CCDC186: variants seen among roughly 807,000 people sequenced by gnomAD.
CCDC186 encodes coiled-coil domain-containing protein 186.
CCDC186 carries 49 observed loss-of-function variants against 113.7 expected under a neutral mutation model. The ratio of observed to expected loss-of-function variants is 0.43; its 90% CI spans 0.34 to 0.55. CCDC186 has a LOEUF of 0.55. CCDC186 is among the 20% of genes least tolerant of loss of function. The pLI is 0.02. For missense variants in CCDC186, 890 were observed against 1,011.1 expected (o/e 0.88, Z 1.62); for synonymous variants, 355 against 345.8 (o/e 1.03, Z -0.30).
At chr10:114,168,395 T>C (rs2119819541) in intron 1 of CCDC186, 1 of 152,374 alleles carries the variant, frequency 6.6e-6, no homozygotes, top group East Asian at 1.9e-4. Context: ...CACTGTCTTC[T>C]GGTTCCATTT....
Position 114,127,537 on chromosome 10 carries a change from C to A in CCDC186, c.2317G>T (p.Ala773Ser). ...AATTCTATCTTTTCATTTTTCCGGGCATGTGCTTTTTGCAGCCTAACTATT... is the reference window on the plus strand; with the variant it reads ...AATTCTATCTTTTCATTTTTCCGGGAATGTGCTTTTTGCAGCCTAACTATT... ...ERIVRLQKAH[A>S]RKNEKIEFME... The change falls in exon 14 of 16, where the codon GCC becomes TCC. Residue 773 changes from alanine to serine, a missense_variant. Ala to Ser is a moderately conservative substitution (Grantham distance 99, BLOSUM62 1). Transcript: ENST00000369287. 6.2e-7 allele frequency: 1 copy of A among 1,614,006 alleles called. No individual in the cohort carries two copies. Among genetic ancestry groups the A allele is most frequent in the Non-Finnish European group, 8.5e-7 (1 of 1,179,982 alleles).
chr10:114,135,814 C>T (rs1427838277), intron 9 of CCDC186, 77 bp downstream of exon 9: 2 of 1,159,062 alleles, frequency 1.7e-6, no homozygotes, highest in African/African-American at 1.5e-5. Context: ...CTTTCCCCAC[C>T]ACTTTAAAAA....
At chr10:114,137,368 G>A in intron 6 of CCDC186, 78 bp from the exon 7 acceptor site, 4 of 937,024 alleles carry the variant, frequency 4.3e-6, no homozygotes, top group Non-Finnish European at 5.2e-6. Flanking sequence ...AAGTAGGAAG[G>A]TTCTTGTCCT....
chr10:114,137,674 G>A (rs1465782121), intron 6 of CCDC186, among the ~76,000 whole-genome samples: 5 of 152,020 alleles, frequency 3.3e-5, no homozygotes, highest in African/African-American at 4.8e-5. Flanking sequence ...AGGTGGAGGC[G>A]GGTGGATAAC....
chr10:114,137,713 A>G (rs1435666652), intron 6 of CCDC186, among the ~76,000 whole-genome samples: 1 of 151,668 alleles, frequency 6.6e-6, no homozygotes, highest in Non-Finnish European at 1.5e-5. Context: ...GACCAGCCTG[A>G]CCAGCATGGT....
intron 3 of CCDC186, 26 bp from the exon 4 acceptor site, chr10:114,151,246 A>AT (rs761784754): frequency 4.9e-6 from 7 of 1,438,198 alleles, no homozygotes; most frequent in Non-Finnish European, 6.8e-6. Context: ...TTTCCAAATT[A>AT]TTTTTATAGC....
At chr10:114,127,315 A>T in intron 14 of CCDC186, 146 bp downstream of exon 14, 1 of 718,700 alleles carries the variant, frequency 1.4e-6, no homozygotes, top group South Asian at 2.0e-5. Flanking sequence ...AGAACATAAT[A>T]GGTGACCATA....
At chr10:114,171,269 C>T (rs1163026719) in intron 1 of CCDC186, among the ~76,000 whole-genome samples, 1 of 152,038 alleles carries the variant, frequency 6.6e-6, no homozygotes, top group Non-Finnish European at 1.5e-5. Flanking sequence ...TTACAGGTGG[C>T]TCACACCTGT....
chr10:114,142,038 G>T (rs1014152740), intron 6 of CCDC186, among the ~76,000 whole-genome samples: 1 of 152,122 alleles, frequency 6.6e-6, no homozygotes. Flanking sequence ...TACAGTTATA[G>T]AACATAGAAT....
In CCDC186 at chr10:114,131,995, T is replaced by A. The variant is rs745859229; in HGVS notation, c.1845A>T (p.Lys615Asn). The A allele has an allele frequency of 6.2e-7, 1 of 1,613,224 alleles. No homozygotes were observed. Among genetic ancestry groups the A allele is most frequent in the Admixed American group, 1.7e-5 (1 of 59,980 alleles). The change falls in exon 11 of 16, where the codon AAA (lysine) becomes AAT (asparagine). Residue 615 changes from lysine to asparagine, a missense_variant. Transcript: ENST00000369287. ...GTAACTGACTTTCACTACAGGAAACTTTATCAAATTGTGACTGCAAAGAAT... is the reference window on the plus strand; with the variant it reads ...GTAACTGACTTTCACTACAGGAAACATTATCAAATTGTGACTGCAAAGAAT... ...ESNSLQSQFDKVSCSESQLQS... is the reference protein window; with the variant it reads ...ESNSLQSQFDNVSCSESQLQS...
At chr10:114,138,319 C>T (rs113393037) in intron 6 of CCDC186, among the ~76,000 whole-genome samples, 8 of 126,706 alleles carry the variant, frequency 6.3e-5, no homozygotes, top group African/African-American at 2.1e-4. Context: ...TTGGAGACAG[C>T]GTCTCATTCT....
In CCDC186 at chr10:114,145,748, C is replaced by T. The variant is rs763154817; in HGVS notation, c.902G>A (p.Cys301Tyr). 3.2e-6 allele frequency: 5 copies of T among 1,580,660 alleles called. No individual in the cohort carries two copies. Among genetic ancestry groups the T allele is most frequent in the African/African-American group, 1.4e-5 (1 of 72,582 alleles). ...TTCTTTTTCTTGGCGTGCCTCTTCA[C>T]ATTTCTTGTTGGCCTTCAAAAAAAA... ...AQRMEQANKK[C>Y]EEARQEKEAM... Residue 301 changes from cysteine to tyrosine, a missense_variant, in exon 5 of 16, where the codon TGT becomes TAT. Transcript: ENST00000369287.
At chr10:114,167,196 T>TG (rs762970601) in intron 1 of CCDC186, among the ~76,000 whole-genome samples, 2 of 152,050 alleles carry the variant, frequency 1.3e-5, no homozygotes, top group Non-Finnish European at 2.9e-5. Context: ...AATTTTTGTA[T>TG]TTTCAGTGTA....
In CCDC186 at chr10:114,131,976, G is replaced by T; in HGVS notation, c.1864C>A (p.Gln622Lys). The T allele has an allele frequency of 6.2e-7, 1 of 1,612,312 alleles. No homozygotes were observed. Among genetic ancestry groups the T allele is most frequent in the South Asian group, 1.1e-5 (1 of 90,934 alleles). The change falls in exon 11 of 16, where the codon CAG (glutamine) becomes AAG (lysine). Residue 622 changes from glutamine to lysine, a missense_variant. Transcript: ENST00000369287. ...ATTTGTTCACACTGGCTTTGTAACT[G>T]ACTTTCACTACAGGAAACTTTATCA... is the stretch of plus-strand genomic sequence containing the variant. ...QFDKVSCSES[Q>K]LQSQCEQMKQ... is the part of the protein sequence containing the mutation.
At chr10:114,137,161 A>G (rs576826432) in intron 7 of CCDC186, 25 bp downstream of exon 7, 1 of 1,512,884 alleles carries the variant, frequency 6.6e-7, no homozygotes. Context: ...ATTTGATACT[A>G]ATCTATTTTA....
chr10:114,161,499 A>C (rs1457961786), intron 2 of CCDC186: 1 of 152,192 alleles, frequency 6.6e-6, no homozygotes, highest in Non-Finnish European at 1.5e-5. Flanking sequence ...TAAAGTGGGA[A>C]GAGGCATCAG....
rs149429472 is a variant in CCDC186, at chr10:114,147,614, T to C, written c.889-1853A>G. The stretch of plus-strand genomic sequence containing the variant: ...TTATAAAAACAAAAAGAGGTATAGA[T>C]TAGATCCTCAAAGGAAGAAGAATTT... On this transcript the variant is annotated intron_variant, in intron 4 of 15. Transcript: ENST00000369287. Among the ~76,000 whole-genome samples, 1,351 of 152,224 alleles carry C rather than the reference T, an allele frequency of 8.9e-3. 4 individuals are homozygous for C. Among genetic ancestry groups the C allele is most frequent in the Non-Finnish European group, 0.016 (1,062 of 68,010 alleles).
chr10:114,156,761 A>C (rs978054897), intron 3 of CCDC186, among the ~76,000 whole-genome samples: 2 of 152,162 alleles, frequency 1.3e-5, no homozygotes, highest in African/African-American at 4.8e-5. Flanking sequence ...AAAAAAAAGA[A>C]GGAAAAGGAC....
At chr10:114,165,799 G>C (rs1201036629) in intron 1 of CCDC186, 10 of 735,508 alleles carry the variant, frequency 1.4e-5, no homozygotes, top group Non-Finnish European at 1.6e-5. Context: ...AGTGGGCCAA[G>C]ATCGTGCCAT....
Sources: allele counts gnomAD v4.1 joint callset (sites outside exome capture counted in the v4.1 genomes callset), GRCh38; gene constraint gnomAD v4.1.1; transcripts MANE v1.5; gene names NCBI Gene and HGNC (gene_info 2026-07-23, HGNC 2026-07-21).